Variants in ITPK1 observed in about 807,000 individuals in gnomAD.
The protein encoded by ITPK1 is inositol-tetrakisphosphate 1-kinase.
Under a neutral mutation model 45.3 loss-of-function variants are expected in ITPK1, and 21 were observed. The ratio of observed to expected loss-of-function variants is 0.46; its 90% CI spans 0.33 to 0.67. The LOEUF is 0.67. ITPK1 is among the 30% of genes least tolerant of loss of function. The pLI is 0.02. For synonymous variants in ITPK1, 258 were observed against 253.6 expected, an observed-to-expected ratio of 1.02 and a Z score of -0.16; for missense variants, 474 against 573.5, an observed-to-expected ratio of 0.83 and a Z score of 1.77.
In ITPK1 at chr14:92,940,600, A is replaced by G. The variant is rs1887315799; in HGVS notation, c.*961T>C. 8.4e-7 allele frequency: 1 copy of G among 1,196,296 alleles called. No homozygotes were observed. The highest frequency in any genetic ancestry group is 1.6e-5 in the African/African-American group (1 of 62,620). 74.1% of individuals were successfully genotyped at this position (1,196,296 alleles called of 1,614,324 possible). ...CCCCGATCTCCATGGTGTCATGCCG[A>G]GGCTCCCGCGCCTATCCTCACCTAG... On this transcript the variant is annotated 3_prime_UTR_variant, in exon 11 of 11. Coordinates refer to ENST00000267615, the MANE Select transcript of ITPK1 (RefSeq NM_014216.6).
At chr14:93,006,280 C>T (rs1887610846) in intron 4 of ITPK1, among the ~76,000 whole-genome samples, 1 of 152,164 alleles carries the variant, frequency 6.6e-6, no homozygotes, top group African/African-American at 2.4e-5. Context: ...GGGAAGCTTC[C>T]CTGGAGCAGA....
At chr14:93,064,002 G>T (rs1890639392) in intron 3 of ITPK1, among the ~76,000 whole-genome samples, 2 of 152,086 alleles carry the variant, frequency 1.3e-5, no homozygotes, top group African/African-American at 4.8e-5. Context: ...AAAAAAAATT[G>T]GCCGGGCATG....
Position 92,941,742 on chromosome 14 carries a change from C to T in ITPK1, c.1064G>A (p.Cys355Tyr), listed in dbSNP as rs1887426385. The change falls in exon 11 of 11, where the codon TGC becomes TAC. Residue 355 changes from cysteine (C) to tyrosine (Y), a missense_variant. Cys to Tyr is a radical substitution (Grantham distance 194, BLOSUM62 -2). Around this residue, in one of 2 missense-constraint regions of ITPK1, gnomAD observed 107 missense variants for 92.9 expected, o/e 1.15. Transcript: ENST00000267615. ...PAGGLVGERT[C>Y]SASPGCCGSM... ...GCCGCAGCAGCCGGGGCTGGCGCTG[C>T]ATGTCCGCTCGCCCACCAGGCCGCC... The T allele has an allele frequency of 1.3e-6, 2 of 1,597,922 alleles. No homozygotes were observed. Among genetic ancestry groups the T allele is most frequent in the African/African-American group, 1.3e-5 (1 of 74,686 alleles).
intron 4 of ITPK1, among the ~76,000 whole-genome samples, chr14:92,999,404 A>G (rs1887224800): frequency 6.6e-6 from 1 of 151,994 alleles, no homozygotes; most frequent in Non-Finnish European, 1.5e-5. Context: ...TCCTTCCTTC[A>G]CTCAGGACCC....
intron 4 of ITPK1, among the ~76,000 whole-genome samples, chr14:92,995,813 C>A (rs986434022): frequency 6.6e-6 from 1 of 152,192 alleles, no homozygotes; most frequent in Non-Finnish European, 1.5e-5. Flanking sequence ...GGGGACTAAC[C>A]GAGGAGTCTC....
chr14:93,079,072 G>A (rs1760708650), intron 2 of ITPK1, among the ~76,000 whole-genome samples: 1 of 152,156 alleles, frequency 6.6e-6, no homozygotes, highest in African/African-American at 2.4e-5. Context: ...TCTTTACTGA[G>A]GTCAATTCCA....
intron 5 of ITPK1, among the ~76,000 whole-genome samples, chr14:92,968,640 A>C (rs1885495685): frequency 6.6e-6 from 1 of 152,228 alleles, no homozygotes; most frequent in South Asian, 2.1e-4. Flanking sequence ...CACATCCAGC[A>C]TCAGGCCAGA....
chr14:93,077,972 T>C (rs946304088), intron 2 of ITPK1, among the ~76,000 whole-genome samples: 1 of 152,178 alleles, frequency 6.6e-6, no homozygotes, highest in African/African-American at 2.4e-5. Flanking sequence ...AGGTCAGGAA[T>C]GTGTGGTTTA....
At chr14:92,962,688 C>T in intron 6 of ITPK1, 63 bp downstream of exon 6, 2 of 1,260,326 alleles carry the variant, frequency 1.6e-6, no homozygotes, top group Non-Finnish European at 2.3e-6. Context: ...AACCCAGCCC[C>T]TCCCCTATGC....
chr14:93,001,998 C>T (rs556956173), intron 4 of ITPK1, among the ~76,000 whole-genome samples: 1 of 152,312 alleles, frequency 6.6e-6, no homozygotes, highest in East Asian at 1.9e-4. Context: ...CAGGAATGGA[C>T]ATGTTTCCCC....
intron 3 of ITPK1, among the ~76,000 whole-genome samples, chr14:93,046,590 G>C (rs953899854): frequency 1.0e-4 from 15 of 150,444 alleles, no homozygotes; most frequent in Non-Finnish European, 8.8e-5. Flanking sequence ...CCAGCAGCCG[G>C]GGGCGGGGGG....
chr14:93,065,729 T>C lies in ITPK1; in HGVS notation c.120+10866A>G, dbSNP rs546348042. 3.3e-5 allele frequency among the ~76,000 whole-genome samples: 5 copies of C among 152,242 alleles called. No individual in the cohort carries two copies. The South Asian group carries it at 1.0e-3, about 32-fold the overall frequency. ...GATGTGACTTAGGTCCCCAAAGATT[T>C]AGGTCCAGAGACACCCAGGGCAGGA... On this transcript the variant is annotated intron_variant, in intron 3 of 10. Coordinates refer to ENST00000267615, the MANE Select transcript of ITPK1 (RefSeq NM_014216.6).
intron 8 of ITPK1, among the ~76,000 whole-genome samples, chr14:92,954,513 T>C (rs769543114): frequency 1.3e-5 from 2 of 152,142 alleles, no homozygotes; most frequent in Non-Finnish European, 2.9e-5. Context: ...CCCCATGCAG[T>C]CTGTTCCTGG....
chr14:92,966,915 C>G (rs1464844470), intron 5 of ITPK1, among the ~76,000 whole-genome samples: 3 of 152,178 alleles, frequency 2.0e-5, no homozygotes, highest in African/African-American at 7.2e-5. Flanking sequence ...AAGATGGAAC[C>G]CTACTTCACA....
intron 5 of ITPK1, among the ~76,000 whole-genome samples, chr14:92,979,903 C>T (rs953077006): frequency 6.6e-6 from 1 of 151,852 alleles, no homozygotes; most frequent in African/African-American, 2.4e-5. Flanking sequence ...GCCTCAGCCT[C>T]CTAAGTAGCT....
chr14:92,988,642 G>A (rs1471873750), intron 5 of ITPK1, among the ~76,000 whole-genome samples: 1 of 152,152 alleles, frequency 6.6e-6, no homozygotes, highest in African/African-American at 2.4e-5. Flanking sequence ...AACTGGGGGT[G>A]TGGAAGGGGT....
chr14:93,090,864 C>T (rs1384703517), intron 2 of ITPK1, among the ~76,000 whole-genome samples: 1 of 152,192 alleles, frequency 6.6e-6, no homozygotes, highest in Non-Finnish European at 1.5e-5. Context: ...CGAAACGCTA[C>T]ACTCCATCAT....
At chr14:93,078,702 C>G (rs1041509581) in intron 2 of ITPK1, among the ~76,000 whole-genome samples, 4 of 152,146 alleles carry the variant, frequency 2.6e-5, no homozygotes, top group Non-Finnish European at 4.4e-5. Flanking sequence ...CTGTGCTACA[C>G]CCAACCACCC....
At position 92,940,352 on chromosome 14, in the gene ITPK1, T is replaced by G; in HGVS notation, c.*1209A>C. ...CAGAGGCTTCTCCCCAACCCTTTTC[T>G]CTGCAGAGGGGGCTGCCTGGATCAG... On this transcript the variant is annotated 3_prime_UTR_variant, in exon 11 of 11. Coordinates refer to ENST00000267615, the MANE Select transcript of ITPK1 (RefSeq NM_014216.6). 1 of 1,004,042 alleles carries G rather than the reference T, an allele frequency of 1.0e-6. No individual in the cohort carries two copies. The highest frequency in any genetic ancestry group is 1.2e-6 in the Non-Finnish European group (1 of 840,790). 62.2% of individuals were successfully genotyped at this position (1,004,042 alleles called of 1,614,324 possible). A position where few individuals can be genotyped will look rare whatever the true frequency, so the allele number is the denominator to read the frequency against.
Sources: allele counts gnomAD v4.1 joint callset (sites outside exome capture counted in the v4.1 genomes callset), GRCh38; gene constraint gnomAD v4.1.1; regional missense constraint gnomAD v4.1.1; transcripts MANE v1.5; gene names NCBI Gene and HGNC (gene_info 2026-07-23, HGNC 2026-07-21).